The following EML4 variants were observed in gnomAD, a reference collection of about 807,000 sequenced individuals.
EML4 encodes the protein EMAP like 4.
Under a neutral mutation model 129.0 loss-of-function variants are expected in EML4, and 72 were observed. The observed-to-expected ratio is 0.56, with a 90% CI of 0.46 to 0.68. EML4 has a LOEUF of 0.68. Ranked by LOEUF, EML4 falls within the 30% of genes least tolerant of loss-of-function variation. The pLI is 0.00. For missense variants in EML4, 1,363 were observed against 1,190.6 expected (o/e 1.14, Z -2.13); for synonymous variants, 532 against 405.0 (o/e 1.31, Z -3.77).
chr2:42,183,712 A>G (rs887221339), intron 1 of EML4, among the ~76,000 whole-genome samples: 1 of 152,026 alleles, frequency 6.6e-6, no homozygotes, highest in Non-Finnish European at 1.5e-5. Context: ...ATACTATGCT[A>G]CCTTTATGGT....
At chr2:42,208,871 T>G (rs969882806) in intron 1 of EML4, among the ~76,000 whole-genome samples, 1 of 151,950 alleles carries the variant, frequency 6.6e-6, no homozygotes, top group African/African-American at 2.4e-5. Context: ...ATGGACATCC[T>G]TGTAACCACA....
chr2:42,240,878 C>A (rs1674983091), intron 1 of EML4, among the ~76,000 whole-genome samples: 1 of 152,100 alleles, frequency 6.6e-6, no homozygotes, highest in Admixed American at 6.6e-5. Context: ...TGGTGGCTCA[C>A]ACCTGTAATC....
intron 7 of EML4, 74 bp from the exon 8 acceptor site, chr2:42,282,749 T>C: frequency 3.1e-6 from 4 of 1,305,164 alleles, no homozygotes; most frequent in Non-Finnish European, 4.4e-6. Flanking sequence ...CCTAATTCCT[T>C]AAGTATCCAT....
In EML4 at chr2:42,264,721, C is replaced by T. The variant is rs1413328647; in HGVS notation, c.657C>T (p.Ile219=). ...TKTADKHKDV[I]INQEGEYIKM... ...TCTTTTCTAGGCATAAAGATGTCATCATCAACCAAGGTAAATTAAAAATCC... is the reference window on the plus strand; with the variant it reads ...TCTTTTCTAGGCATAAAGATGTCATTATCAACCAAGGTAAATTAAAAATCC... The change falls in exon 6 of 23, where the codon ATC becomes ATT. Residue 219 remains isoleucine, a synonymous_variant. Transcript: ENST00000318522. The T allele has an allele frequency of 6.9e-7, 1 of 1,451,900 alleles. No homozygotes were observed. Among genetic ancestry groups the T allele is most frequent in the Admixed American group, 1.9e-5 (1 of 53,986 alleles). The allele number at this position is 1,451,900 out of a possible 1,614,324, so 89.9% of individuals were successfully genotyped here. A position where few individuals can be genotyped will look rare whatever the true frequency, so the allele number is the denominator to read the frequency against.
At chr2:42,305,228 A>T (rs1668526794) in intron 17 of EML4, among the ~76,000 whole-genome samples, 4 of 152,168 alleles carry the variant, frequency 2.6e-5, no homozygotes, top group African/African-American at 7.2e-5. Context: ...CCTGGGTGAG[A>T]CACCATCTCT....
intron 6 of EML4, among the ~76,000 whole-genome samples, chr2:42,271,017 C>T (rs144713373): frequency 2.6e-5 from 4 of 152,200 alleles, no homozygotes; most frequent in South Asian, 2.1e-4. Context: ...CATCTCAGCC[C>T]CCAGAGTAGC....
chr2:42,274,407 C>T (rs934426562), intron 6 of EML4, among the ~76,000 whole-genome samples: 4 of 152,106 alleles, frequency 2.6e-5, no homozygotes, highest in African/African-American at 4.8e-5. Flanking sequence ...TCCAAATCCC[C>T]GAAGTTCTGC....
chr2:42,330,209 A>C lies in EML4; in HGVS notation c.*2A>C. 6.2e-7 allele frequency: 1 copy of C among 1,612,368 alleles called. No individual in the cohort carries two copies. Among genetic ancestry groups the C allele is most frequent in the Non-Finnish European group, 8.5e-7 (1 of 1,179,394 alleles). On this transcript the variant is annotated 3_prime_UTR_variant, in exon 23 of 23. Coordinates refer to ENST00000318522, the MANE Select transcript of EML4 (RefSeq NM_019063.5). ...CAAGACCCTTCGCCCTCGTCCTAAC[A>C]CCCTGGCTTCAGTGCAACTCTTTTC...
chr2:42,173,879 T>C (rs1256978051), intron 1 of EML4, among the ~76,000 whole-genome samples: 1 of 152,064 alleles, frequency 6.6e-6, no homozygotes, highest in African/African-American at 2.4e-5. Context: ...GTACTGTATG[T>C]AGAGATGTTT....
chr2:42,204,620 A>T (rs1672429142), intron 1 of EML4, among the ~76,000 whole-genome samples: 1 of 152,176 alleles, frequency 6.6e-6, no homozygotes, highest in Admixed American at 6.5e-5. Context: ...GCTATTTAAA[A>T]ATGTAAAAAA....
chr2:42,184,623 T>G (rs1671140847), intron 1 of EML4, among the ~76,000 whole-genome samples: 1 of 152,198 alleles, frequency 6.6e-6, no homozygotes, highest in Admixed American at 6.5e-5. Context: ...CTTATACCGT[T>G]ATTTATTCAA....
intron 1 of EML4, among the ~76,000 whole-genome samples, chr2:42,191,662 A>G (rs1671587633): frequency 6.6e-6 from 1 of 152,350 alleles, no homozygotes; most frequent in East Asian, 1.9e-4. Context: ...TTGATTTAAA[A>G]TTATTTAATT....
intron 1 of EML4, among the ~76,000 whole-genome samples, chr2:42,192,360 C>G (rs1275938269): frequency 6.6e-6 from 1 of 151,754 alleles, no homozygotes; most frequent in Non-Finnish European, 1.5e-5. Context: ...CCGCCTCAGC[C>G]TCCTGAGTAG....
intron 17 of EML4, among the ~76,000 whole-genome samples, chr2:42,308,651 C>T (rs1443431830): frequency 6.6e-6 from 1 of 152,158 alleles, no homozygotes; most frequent in Non-Finnish European, 1.5e-5. Flanking sequence ...AGTAAGTTCA[C>T]AGGGTTATGC....
intron 1 of EML4, among the ~76,000 whole-genome samples, chr2:42,203,743 T>C (rs2103978891): frequency 6.6e-6 from 1 of 151,440 alleles, no homozygotes; most frequent in African/African-American, 2.4e-5. Flanking sequence ...GATTAATTGA[T>C]AATATACTTC....
At chr2:42,294,260 A>AT (rs1667820171) in intron 11 of EML4, among the ~76,000 whole-genome samples, 1 of 152,128 alleles carries the variant, frequency 6.6e-6, no homozygotes, top group Non-Finnish European at 1.5e-5. Context: ...TCTTTGCTAG[A>AT]TTTTTTGAGG....
chr2:42,300,525 T>C (rs1317970176), intron 13 of EML4, among the ~76,000 whole-genome samples: 1 of 152,190 alleles, frequency 6.6e-6, no homozygotes, highest in Admixed American at 6.5e-5. Flanking sequence ...ATCACATTGG[T>C]ACAGCTGAAT....
At chr2:42,172,730 C>A (rs1670351517) in intron 1 of EML4, among the ~76,000 whole-genome samples, 1 of 151,818 alleles carries the variant, frequency 6.6e-6, no homozygotes, top group Non-Finnish European at 1.5e-5. Flanking sequence ...CATATAGATA[C>A]CCATGTGCAA....
chr2:42,282,453 A>C (rs573472910), intron 7 of EML4, among the ~76,000 whole-genome samples: 1 of 152,234 alleles, frequency 6.6e-6, no homozygotes, highest in East Asian at 1.9e-4. Context: ...CAGTGGCACG[A>C]TCACTGCTCA....
Sources: gnomAD v4.1 joint callset for allele counts (sites outside exome capture counted in the v4.1 genomes callset) on GRCh38, gnomAD v4.1.1 for gene constraint, MANE v1.5 for transcripts, NCBI Gene and HGNC (gene_info 2026-07-23, HGNC 2026-07-21) for gene names.